The following RNMT variants were observed in gnomAD, a reference collection of about 807,000 sequenced individuals.
The protein encoded by RNMT is mRNA cap guanine-N(7) methyltransferase.
Under a neutral mutation model 56.0 loss-of-function variants are expected in RNMT, and 27 were observed. The observed-to-expected ratio is 0.48, with a 90% CI of 0.36 to 0.67. RNMT has a LOEUF of 0.67. Ranked by LOEUF, RNMT falls within the 30% of genes least tolerant of loss-of-function variation. The probability of loss-of-function intolerance (pLI) is 0.00; values close to 1 mark genes in which losing one functional copy is unlikely to be tolerated. For synonymous variants in RNMT, 184 were observed against 176.2 expected, an observed-to-expected ratio of 1.04 and a Z score of -0.35; for missense variants, 519 against 552.1, an observed-to-expected ratio of 0.94 and a Z score of 0.60.
intron 10 of RNMT, among the ~76,000 whole-genome samples, chr18:13,753,793 A>T (rs929101107): frequency 1.4e-5 from 2 of 145,302 alleles, no homozygotes; most frequent in South Asian, 4.3e-4. Flanking sequence ...AAAAAATAAT[A>T]CAAGATAGAT....
rs2044628280 is a variant in RNMT at position 13,762,120 on chromosome 18, A to G, written c.*2141A>G. The G allele has an allele frequency of 4.6e-6, 7 of 1,536,006 alleles. No homozygotes were observed. The African/African-American group carries it at 6.8e-5, about 15-fold the overall frequency. ...GCACCTGTTGCTGCAAGCTCAGTGA[A>G]GTGGGGCACTCCCAGACCTGCCATG... is the stretch of plus-strand genomic sequence containing the variant. On this transcript the variant is annotated 3_prime_UTR_variant, in exon 12 of 12. Transcript: ENST00000383314.
intron 9 of RNMT, among the ~76,000 whole-genome samples, chr18:13,749,167 A>G (rs2044399687): frequency 6.6e-6 from 1 of 152,248 alleles, no homozygotes; most frequent in South Asian, 2.1e-4. Flanking sequence ...TCAGTAGAGA[A>G]GAGAAACTGG....
chr18:13,731,578 T>A lies in RNMT; in HGVS notation c.61T>A (p.Ser21Thr). 6.2e-7 allele frequency: 1 copy of A among 1,612,846 alleles called. No homozygotes were observed. The highest frequency in any genetic ancestry group is 8.5e-7 in the Non-Finnish European group (1 of 1,179,694). The change falls in exon 3 of 12, where the codon TCA (serine) becomes ACA (threonine). Residue 21 changes from serine to threonine, a missense_variant. Physicochemically the swap from Ser to Thr is moderately conservative, Grantham distance 58. Transcript: ENST00000383314. The stretch of plus-strand genomic sequence containing the variant: ...GATGTCTCTTGAACAGGCAAAAGCG[T>A]CAGTGAATTCTGAAACAGAGTCTTC... ...EKMSLEQAKA[S>T]VNSETESSFN...
chr18:13,747,361 C>T (rs901364765), intron 9 of RNMT, among the ~76,000 whole-genome samples: 4 of 151,918 alleles, frequency 2.6e-5, no homozygotes, highest in African/African-American at 9.7e-5. Context: ...TGACTACAAG[C>T]GTGTGTCACC....
intron 2 of RNMT, among the ~76,000 whole-genome samples, 166 bp from the exon 3 acceptor site, chr18:13,731,310 A>C (rs2044063134): frequency 6.6e-6 from 1 of 152,038 alleles, no homozygotes; most frequent in African/African-American, 2.4e-5. Context: ...GGGGAGGCTG[A>C]GGCGGGAGAA....
chr18:13,751,738 A>C (rs1427054970), intron 9 of RNMT, among the ~76,000 whole-genome samples: 1 of 152,224 alleles, frequency 6.6e-6, no homozygotes, highest in East Asian at 1.9e-4. Flanking sequence ...TCAATGATAG[A>C]CTAGATTAAG....
At position 13,761,149 on chromosome 18, in the gene RNMT, G is replaced by T. The variant is rs541072503; in HGVS notation, c.*1170G>T. 3 of 985,362 alleles carry T rather than the reference G, an allele frequency of 3.0e-6. No individual in the cohort carries two copies. The highest frequency in any genetic ancestry group is 3.5e-5 in the African/African-American group (2 of 57,352). 61.0% of individuals were successfully genotyped at this position (985,362 alleles called of 1,614,324 possible). On this transcript the variant is annotated 3_prime_UTR_variant, in exon 12 of 12. Transcript: ENST00000383314. ...TTAAAAACATAGTGTCTTCATTAGTGTGCATCTATTAACTGTTCATGGTGT... is the reference window on the plus strand; with the variant it reads ...TTAAAAACATAGTGTCTTCATTAGTTTGCATCTATTAACTGTTCATGGTGT...
At chr18:13,737,962 G>C (rs1386874467) in intron 5 of RNMT, among the ~76,000 whole-genome samples, 1 of 124,840 alleles carries the variant, frequency 8.0e-6, no homozygotes. Context: ...TTTTTTTTTT[G>C]CTACGGAAGC....
Position 13,731,861 on chromosome 18 carries a change from A to T in RNMT, c.344A>T (p.Asp115Val). Residue 115 changes from aspartate to valine, a missense_variant, in exon 3 of 12, where the codon GAT becomes GTT. Physicochemically the swap from Asp to Val is radical, Grantham distance 152 (BLOSUM62 -3). Coordinates refer to ENST00000383314, the MANE Select transcript of RNMT (RefSeq NM_003799.3). ...RKRETEDVPK[D>V]KSSTGDGTQN... ...AGAGAAACTGAGGATGTTCCAAAAG[A>T]TAAATCTTCTACTGGAGATGGCACT... is the stretch of plus-strand genomic sequence containing the variant. 1 of 1,612,534 alleles carries T rather than the reference A, an allele frequency of 6.2e-7. No individual in the cohort carries two copies. The highest frequency in any genetic ancestry group is 8.5e-7 in the Non-Finnish European group (1 of 1,179,754).
Position 13,754,130 on chromosome 18 carries a change from C to T in RNMT, c.1376C>T (p.Ser459Leu). Residue 459 changes from serine to leucine, a missense_variant, in exon 11 of 12, where the codon TCA (serine) becomes TTA (leucine). Transcript: ENST00000383314. ...VRLPLGTLSKSEWEATSIYLV... is the reference protein window; with the variant it reads ...VRLPLGTLSKLEWEATSIYLV... ...TAATTTTAGGGAACCTTAAGTAAAT[C>T]AGAATGGGAAGCTACAAGTGAGTAT... 1 of 1,562,212 alleles carries T rather than the reference C, an allele frequency of 6.4e-7. No homozygotes were observed. Among genetic ancestry groups the T allele is most frequent in the Non-Finnish European group, 8.8e-7 (1 of 1,134,704 alleles).
rs1032292255 is a variant in RNMT, at chr18:13,738,295, A to C, written c.679+1160A>C. On this transcript the variant is annotated intron_variant, in intron 5 of 11. Transcript: ENST00000383314. Reference sequence around the variant, plus strand: ...TTTGAAAATATTTTTTAGTTCATTAAAAGTAACAAGGCTGGCTTTTACATT... The same window carrying C: ...TTTGAAAATATTTTTTAGTTCATTACAAGTAACAAGGCTGGCTTTTACATT... 2.0e-5 allele frequency among the ~76,000 whole-genome samples: 3 copies of C among 152,338 alleles called. No individual in the cohort carries two copies. In the South Asian group the frequency reaches 6.2e-4, roughly 32 times the overall value.
At position 13,737,003 on chromosome 18, in the gene RNMT, C is replaced by G. The variant is rs1450407183; in HGVS notation, c.554-7C>G. On this transcript the variant is annotated splice_polypyrimidine_tract_variant and splice_region_variant and intron_variant, in intron 4 of 11. Transcript: ENST00000383314. ...GTAGTTTATTGTGACTGATTTCTCT[C>G]TTTTAGGAGAATTTTTGGAAAAGGT... is the stretch of plus-strand genomic sequence containing the variant. 1 of 1,611,160 alleles carries G rather than the reference C, an allele frequency of 6.2e-7. No individual in the cohort carries two copies. The highest frequency in any genetic ancestry group is 1.1e-5 in the South Asian group (1 of 90,454).
intron 4 of RNMT, among the ~76,000 whole-genome samples, chr18:13,735,910 T>A (rs1429539135): frequency 6.6e-6 from 1 of 152,182 alleles, no homozygotes. Flanking sequence ...GCTTTCTCTC[T>A]GGCTGTTTCC....
chr18:13,758,316 A>AG (rs2044575627), intron 11 of RNMT, among the ~76,000 whole-genome samples: 1 of 152,340 alleles, frequency 6.6e-6, no homozygotes, highest in East Asian at 1.9e-4. Flanking sequence ...TGAAAGTCCT[A>AG]GATGGCATCT....
intron 1 of RNMT, among the ~76,000 whole-genome samples, chr18:13,729,282 T>TAA (rs2044028555): frequency 1.3e-5 from 2 of 152,356 alleles, no homozygotes; most frequent in Admixed American, 1.3e-4. Flanking sequence ...CGTTCTTACT[T>TAA]ATTTTTGTGG....
At chr18:13,745,412 G>A (rs1394038852) in intron 8 of RNMT, among the ~76,000 whole-genome samples, 1 of 152,204 alleles carries the variant, frequency 6.6e-6, no homozygotes, top group African/African-American at 2.4e-5. Flanking sequence ...GAGGTAAGAA[G>A]TGGACCTATT....
intron 4 of RNMT, among the ~76,000 whole-genome samples, chr18:13,735,444 T>C (rs188194578): frequency 1.6e-3 from 238 of 151,762 alleles, no homozygotes; most frequent in Admixed American, 4.0e-3. Flanking sequence ...CATGTTCTGT[T>C]ACAAAAATAT....
chr18:13,736,890 G>GA (rs1320619005), intron 4 of RNMT, 120 bp from the exon 5 acceptor site: 1 of 713,092 alleles, frequency 1.4e-6, no homozygotes, highest in Admixed American at 3.1e-5. Context: ...TACATAAATG[G>GA]ATGTGTAATA....
chr18:13,739,858 CT>C (rs1355288432), intron 5 of RNMT, among the ~76,000 whole-genome samples: 1 of 152,104 alleles, frequency 6.6e-6, no homozygotes, highest in Non-Finnish European at 1.5e-5. Context: ...CAAAACTGGG[CT>C]TATTGATAGT....
Sources: gnomAD v4.1 joint callset for allele counts (sites outside exome capture counted in the v4.1 genomes callset) on GRCh38, gnomAD v4.1.1 for gene constraint, MANE v1.5 for transcripts, NCBI Gene and HGNC (gene_info 2026-07-23, HGNC 2026-07-21) for gene names.